OSBPL1A: variants seen among roughly 807,000 people sequenced by gnomAD.
OSBPL1A encodes oxysterol binding protein like 1A.
OSBPL1A carries 80 observed loss-of-function variants against 137.1 expected under a neutral mutation model. That is an observed-to-expected ratio of 0.58 (90% confidence interval 0.49 to 0.70). The LOEUF (loss-of-function observed/expected upper bound fraction) is 0.70. Among genes scored for constraint, OSBPL1A ranks in the 30% least tolerant of loss-of-function variants. OSBPL1A has a pLI of 0.00. For synonymous variants in OSBPL1A, 365 were observed against 389.7 expected, an observed-to-expected ratio of 0.94 and a Z score of 0.75; for missense variants, 970 against 1,129.4, an observed-to-expected ratio of 0.86 and a Z score of 2.02.
At chr18:24,167,228 C>A (rs1599420941) in intron 25 of OSBPL1A, 101 bp downstream of exon 25, 3 of 1,079,132 alleles carry the variant, frequency 2.8e-6, no homozygotes, top group Non-Finnish European at 4.2e-6. Flanking sequence ...TGCCAACCTG[C>A]CTGTCTCCAT....
chr18:24,172,317 T>G, intron 22 of OSBPL1A, 59 bp downstream of exon 22: 2 of 1,204,260 alleles, frequency 1.7e-6, no homozygotes, highest in Admixed American at 1.9e-5. Flanking sequence ...AAAACTGATG[T>G]CCACTAAAAC....
rs1254756982 is a variant in OSBPL1A at position 24,172,428 on chromosome 18, C to T, written c.2149G>A (p.Val717Met). The change falls in exon 22 of 28, where the codon GTG becomes ATG. Residue 717 changes from valine to methionine, a missense_variant. By Grantham distance (21) the Val-to-Met change is conservative. Transcript: ENST00000319481. ...NPTCCVHNII[V>M]GKLWIEQYGN... ...TACTGTTCGATCCACAGTTTACCCA[C>T]AATGATATTATGCACACAGCAGGTG... The T allele has an allele frequency of 3.7e-6, 6 of 1,614,046 alleles. No individual in the cohort carries two copies. The highest frequency in any genetic ancestry group is 4.2e-6 in the Non-Finnish European group (5 of 1,180,028).
chr18:24,195,858 A>G, intron 18 of OSBPL1A: 1 of 417,010 alleles, frequency 2.4e-6, no homozygotes, highest in South Asian at 2.3e-5. Context: ...CTATGGGGCA[A>G]TATAAATGTG....
At chr18:24,195,707 A>G (rs995061329) in intron 18 of OSBPL1A, among the ~76,000 whole-genome samples, 1 of 152,192 alleles carries the variant, frequency 6.6e-6, no homozygotes, top group Admixed American at 6.5e-5. Flanking sequence ...CAGATAACTA[A>G]GCAGAGACAT....
chr18:24,193,560 C>A lies in OSBPL1A; in HGVS notation c.1677+2565G>T, dbSNP rs1038417372. On this transcript the variant is annotated intron_variant, in intron 18 of 27. Transcript: ENST00000319481. ...TCCTCATTTTTAATCTTTACTGTCGCTTAGTGCTTATACCTTGATTGTGTC... is the reference window on the plus strand; with the variant it reads ...TCCTCATTTTTAATCTTTACTGTCGATTAGTGCTTATACCTTGATTGTGTC... Among the ~76,000 whole-genome samples, 3 of 151,844 alleles carry A rather than the reference C, an allele frequency of 2.0e-5. No homozygotes were observed. In the South Asian group the frequency reaches 6.2e-4, roughly 32 times the overall value.
At chr18:24,315,723 TA>T (rs1158940944) in intron 11 of OSBPL1A, among the ~76,000 whole-genome samples, 121 of 122,894 alleles carry the variant, frequency 9.8e-4, no homozygotes, top group Middle Eastern at 3.7e-3. Flanking sequence ...ATAATATATG[TA>T]ATATATTATA....
chr18:24,391,041 A>C (rs1907319785), intron 1 of OSBPL1A, among the ~76,000 whole-genome samples: 1 of 152,018 alleles, frequency 6.6e-6, no homozygotes, highest in Non-Finnish European at 1.5e-5. Context: ...CAGGGGTTGC[A>C]GTGAGCCGAG....
chr18:24,321,426 A>G (rs2090854549), intron 7 of OSBPL1A, among the ~76,000 whole-genome samples: 1 of 152,138 alleles, frequency 6.6e-6, no homozygotes, highest in East Asian at 1.9e-4. Flanking sequence ...CCTCCCTGGT[A>G]GCTGGAACTG....
At chr18:24,265,141 C>T (rs924329507) in intron 15 of OSBPL1A, among the ~76,000 whole-genome samples, 4 of 152,124 alleles carry the variant, frequency 2.6e-5, no homozygotes, top group African/African-American at 9.7e-5. Context: ...AACACAAATA[C>T]CACAAATAAA....
chr18:24,186,940 C>T (rs910558386), intron 18 of OSBPL1A, among the ~76,000 whole-genome samples: 6 of 139,606 alleles, frequency 4.3e-5, no homozygotes, highest in Admixed American at 7.2e-5. Context: ...AAAATTCAGA[C>T]AGGCAAAAGG....
intron 2 of OSBPL1A, 195 bp from the exon 3 acceptor site, chr18:24,368,567 C>A: frequency 5.8e-6 from 3 of 513,396 alleles, no homozygotes; most frequent in Non-Finnish European, 1.1e-5. Context: ...CTGGTGCCAC[C>A]TTCTGACTCG....
intron 17 of OSBPL1A, among the ~76,000 whole-genome samples, chr18:24,221,646 T>C (rs1170538604): frequency 6.6e-6 from 1 of 152,200 alleles, no homozygotes; most frequent in Non-Finnish European, 1.5e-5. Context: ...ACCCATTTTC[T>C]TTTTTTCTTC....
chr18:24,341,641 G>T lies in OSBPL1A; in HGVS notation c.300C>A (p.Leu100=). The T allele has an allele frequency of 6.2e-7, 1 of 1,605,182 alleles. No individual in the cohort carries two copies. The highest frequency in any genetic ancestry group is 1.1e-5 in the South Asian group (1 of 89,824). ...FTGRKELVML[L]LEYNADTTIV... is the part of the protein sequence containing the mutation. ...TAGTAGTATCAGCATTATATTCTAA[G>T]AGAAGCATTACCAACTCCTAAAAAT... Residue 100 remains leucine (L), a synonymous_variant, in exon 5 of 28, where the codon CTC becomes CTA. Coordinates refer to ENST00000319481, the MANE Select transcript of OSBPL1A (RefSeq NM_080597.4).
chr18:24,173,649 G>A (rs2086352592), intron 21 of OSBPL1A, among the ~76,000 whole-genome samples: 1 of 152,202 alleles, frequency 6.6e-6, no homozygotes, highest in Non-Finnish European at 1.5e-5. Context: ...CTGACCTCAG[G>A]TGATCCACCC....
intron 24 of OSBPL1A, among the ~76,000 whole-genome samples, chr18:24,169,405 A>C (rs1174386711): frequency 4.6e-5 from 7 of 152,194 alleles, no homozygotes; most frequent in African/African-American, 1.7e-4. Flanking sequence ...CTGCATTTCT[A>C]ATGAGCTCGC....
intron 1 of OSBPL1A, among the ~76,000 whole-genome samples, chr18:24,395,608 G>T (rs1482472981): frequency 1.4e-5 from 1 of 72,610 alleles, no homozygotes; most frequent in Non-Finnish European, 2.5e-5. Context: ...AGGAAATGAT[G>T]GGGAGAATTT....
At chr18:24,210,602 T>C (rs756794479) in intron 17 of OSBPL1A, among the ~76,000 whole-genome samples, 1 of 151,598 alleles carries the variant, frequency 6.6e-6, no homozygotes, top group Admixed American at 6.6e-5. Flanking sequence ...GGCACGATCA[T>C]GACTCACTTG....
rs564843357 is a variant in OSBPL1A, at chr18:24,357,431, T to C, written c.282+9461A>G. The C allele has an allele frequency of 2.0e-5, 3 of 152,250 alleles. No homozygotes were observed. In the South Asian group the frequency reaches 6.2e-4, roughly 32 times the overall value. 9.4% of individuals were successfully genotyped at this position (152,250 alleles called of 1,614,324 possible). A position where few individuals can be genotyped will look rare whatever the true frequency, so the allele number is the denominator to read the frequency against. ...CAATTAGATATGCATTTGCGTGTGGTGGGCCTGGGTGACTGCACCTGTAAA... is the reference window on the plus strand; with the variant it reads ...CAATTAGATATGCATTTGCGTGTGGCGGGCCTGGGTGACTGCACCTGTAAA... On this transcript the variant is annotated intron_variant, in intron 4 of 27. Transcript: ENST00000319481.
At chr18:24,377,097 G>C (rs1024652830) in intron 2 of OSBPL1A, among the ~76,000 whole-genome samples, 1 of 152,260 alleles carries the variant, frequency 6.6e-6, no homozygotes, top group African/African-American at 2.4e-5. Flanking sequence ...AGGCAGAGGA[G>C]GCCCGAAAGC....
Sources: allele counts gnomAD v4.1 joint callset (sites outside exome capture counted in the v4.1 genomes callset), GRCh38; gene constraint gnomAD v4.1.1; transcripts MANE v1.5; gene names NCBI Gene and HGNC (gene_info 2026-07-23, HGNC 2026-07-21).